The following AFF3 variants were observed in gnomAD, a reference collection of about 807,000 sequenced individuals.
The protein encoded by AFF3 is ALF transcription elongation factor 3.
AFF3 carries 32 observed loss-of-function variants against 129.7 expected under a neutral mutation model. The ratio of observed to expected loss-of-function variants is 0.25; its 90% CI spans 0.19 to 0.33. The LOEUF (loss-of-function observed/expected upper bound fraction) is 0.33, where lower values mean the gene tolerates loss of function less well. Ranked by LOEUF, AFF3 falls within the 10% of genes least tolerant of loss-of-function variation. AFF3 has a pLI of 1.00. For synonymous variants in AFF3, 644 were observed against 635.4 expected, an observed-to-expected ratio of 1.01 and a Z score of -0.20; for missense variants, 1,373 against 1,592.0, an observed-to-expected ratio of 0.86 and a Z score of 2.34.
intron 7 of AFF3, among the ~76,000 whole-genome samples, chr2:99,977,502 C>G (rs1679008573): frequency 6.6e-6 from 1 of 152,082 alleles, no homozygotes; most frequent in Admixed American, 6.5e-5. Flanking sequence ...GTGTGAATGC[C>G]AATTTTTTTT....
intron 8 of AFF3, among the ~76,000 whole-genome samples, chr2:99,806,437 A>G (rs967975474): frequency 6.6e-6 from 1 of 152,162 alleles, no homozygotes; most frequent in African/African-American, 2.4e-5. Flanking sequence ...CTGCGATGGG[A>G]GTGTGTGCCA....
At chr2:99,639,513 C>T (rs1683986263) in intron 13 of AFF3, among the ~76,000 whole-genome samples, 1 of 152,094 alleles carries the variant, frequency 6.6e-6, no homozygotes, top group African/African-American at 2.4e-5. Flanking sequence ...TTCACACTGC[C>T]CCCGACAGTT....
At chr2:99,552,450 G>A (rs1674498730) in intron 24 of AFF3, among the ~76,000 whole-genome samples, 2 of 152,170 alleles carry the variant, frequency 1.3e-5, no homozygotes, top group Non-Finnish European at 2.9e-5. Flanking sequence ...GGTGGGTAGG[G>A]GATGATAGCA....
intron 4 of AFF3, among the ~76,000 whole-genome samples, chr2:100,065,518 T>A (rs1331070909): frequency 6.6e-6 from 1 of 152,206 alleles, no homozygotes; most frequent in Non-Finnish European, 1.5e-5. Flanking sequence ...CTGTTACCCT[T>A]TTACAACATA....
At chr2:99,891,363 C>T (rs577031888) in intron 7 of AFF3, among the ~76,000 whole-genome samples, 197 of 152,198 alleles carry the variant, frequency 1.3e-3, no homozygotes, top group African/African-American at 4.4e-3. Context: ...TTGCTGTCTC[C>T]GGGAATTAGC....
intron 8 of AFF3, among the ~76,000 whole-genome samples, chr2:99,810,949 T>C (rs1453089649): frequency 2.6e-5 from 4 of 152,160 alleles, no homozygotes; most frequent in East Asian, 3.8e-4. Flanking sequence ...TTCCTCTGTC[T>C]TCCTCCCCCA....
chr2:99,862,047 T>C (rs1158754245), intron 7 of AFF3, among the ~76,000 whole-genome samples: 1 of 152,190 alleles, frequency 6.6e-6, no homozygotes, highest in Non-Finnish European at 1.5e-5. Flanking sequence ...TTGGCCAAAC[T>C]GCTTTTCTTC....
intron 24 of AFF3, among the ~76,000 whole-genome samples, chr2:99,551,888 G>A (rs955018080): frequency 1.3e-5 from 2 of 152,190 alleles, no homozygotes; most frequent in African/African-American, 4.8e-5. Flanking sequence ...TCCTAGTCCA[G>A]TAATGCTTCC....
At chr2:99,680,781 A>T (rs888628168) in intron 11 of AFF3, among the ~76,000 whole-genome samples, 1 of 152,212 alleles carries the variant, frequency 6.6e-6, no homozygotes, top group Non-Finnish European at 1.5e-5. Flanking sequence ...GCTGTTATTG[A>T]TAAGTTAATT....
rs370631875 is a variant in AFF3, at chr2:99,568,940, C to T, written c.2919-25G>A. 202 of 1,604,582 alleles carry T rather than the reference C, an allele frequency of 1.3e-4. 2 individuals are homozygous for T. The South Asian group carries it at 1.7e-3, about 14-fold the overall frequency. On this transcript the variant is annotated intron_variant, in intron 18 of 24. Coordinates refer to ENST00000672756, the MANE Select transcript of AFF3 (RefSeq NM_001386135.1). Reference sequence around the variant, plus strand: ...CCTACAAGGAGAGAATGATATTAAACGTCATTATGGCTTAAGTGCAACGTC... The same window carrying T: ...CCTACAAGGAGAGAATGATATTAAATGTCATTATGGCTTAAGTGCAACGTC...
At chr2:100,140,013 G>A (rs1463583202) in intron 1 of AFF3, among the ~76,000 whole-genome samples, 2 of 152,202 alleles carry the variant, frequency 1.3e-5, no homozygotes, top group Non-Finnish European at 2.9e-5. Context: ...CTAATGACAT[G>A]TCATTAAGAA....
rs552361501 is a variant in AFF3 at position 99,842,561 on chromosome 2, A to G, written c.874-5037T>C. The stretch of plus-strand genomic sequence containing the variant: ...CTATCATTACATTTTGAAATCTGTC[A>G]TAACAGTCTCACCTCATTGAACCTC... On this transcript the variant is annotated intron_variant, in intron 7 of 24. Coordinates refer to ENST00000672756, the MANE Select transcript of AFF3 (RefSeq NM_001386135.1). Among the ~76,000 whole-genome samples, 5 of 152,332 alleles carry G rather than the reference A, an allele frequency of 3.3e-5. No individual in the cohort carries two copies. The South Asian group carries it at 8.3e-4, about 25-fold the overall frequency.
intron 8 of AFF3, among the ~76,000 whole-genome samples, chr2:99,777,955 A>C (rs1684059444): frequency 1.3e-5 from 2 of 151,068 alleles, no homozygotes; most frequent in Non-Finnish European, 3.0e-5. Context: ...AGCAAAAAAA[A>C]AAAAAAAAAA....
At chr2:99,787,476 A>T (rs1684886844) in intron 8 of AFF3, among the ~76,000 whole-genome samples, 1 of 152,204 alleles carries the variant, frequency 6.6e-6, no homozygotes, top group Non-Finnish European at 1.5e-5. Flanking sequence ...TCTTTGGTGC[A>T]TGAGGCTTTA....
At chr2:100,015,046 C>T (rs1413644690) in intron 4 of AFF3, among the ~76,000 whole-genome samples, 5 of 150,086 alleles carry the variant, frequency 3.3e-5, no homozygotes, top group African/African-American at 7.5e-5. Context: ...CCTCATGATC[C>T]GCCTGCCTTG....
intron 16 of AFF3, among the ~76,000 whole-genome samples, chr2:99,585,286 G>A (rs1677984101): frequency 6.6e-6 from 1 of 152,114 alleles, no homozygotes; most frequent in African/African-American, 2.4e-5. Flanking sequence ...TTTCATCACT[G>A]CAAGTTTATA....
chr2:99,591,134 A>C (rs1344109663), intron 15 of AFF3, among the ~76,000 whole-genome samples: 1 of 151,972 alleles, frequency 6.6e-6, no homozygotes, highest in African/African-American at 2.4e-5. Flanking sequence ...AAATTACTTA[A>C]TGTTATTAAT....
In AFF3 at chr2:99,551,226, G is replaced by GTCTA. The variant is rs1384661470; in HGVS notation, c.*247_*248insTAGA. 1 of 564,174 alleles carries GTCTA rather than the reference G, an allele frequency of 1.8e-6. No individual in the cohort carries two copies. The highest frequency in any genetic ancestry group is 3.1e-6 in the Non-Finnish European group (1 of 318,450). The allele number at this position is 564,174 out of a possible 1,614,324, so 34.9% of individuals were successfully genotyped here. A position where few individuals can be genotyped will look rare whatever the true frequency, so the allele number is the denominator to read the frequency against. ...ACCTCTGATCACTTTGTCTAGCCTG[G>GTCTA]GATTATGGAAACTAGACAAAGAAGG... is the stretch of plus-strand genomic sequence containing the variant. On this transcript the variant is annotated 3_prime_UTR_variant, in exon 25 of 25. Coordinates refer to ENST00000672756, the MANE Select transcript of AFF3 (RefSeq NM_001386135.1).
chr2:99,988,360 C>A (rs191044858), intron 7 of AFF3, among the ~76,000 whole-genome samples: 1 of 152,226 alleles, frequency 6.6e-6, no homozygotes, highest in Admixed American at 6.5e-5. Context: ...CTGCAAAGTG[C>A]ACAGCATGTT....
Sources: gnomAD v4.1 joint callset for allele counts (sites outside exome capture counted in the v4.1 genomes callset) on GRCh38, gnomAD v4.1.1 for gene constraint, MANE v1.5 for transcripts, NCBI Gene and HGNC (gene_info 2026-07-23, HGNC 2026-07-21) for gene names.